The following NCAM2 variants were observed in gnomAD, a reference collection of about 807,000 sequenced individuals.
NCAM2 encodes N-CAM-2.
A neutral mutation model predicts 98.1 loss-of-function variants in NCAM2; 30 were observed. That is an observed-to-expected ratio of 0.31 (90% CI 0.23 to 0.41). The LOEUF is 0.41. NCAM2 is among the 10% of genes least tolerant of loss of function. The pLI is 1.00. For missense variants in NCAM2, 867 were observed against 1,005.8 expected (o/e 0.86, Z 1.87); for synonymous variants, 368 against 342.4 (o/e 1.07, Z -0.83).
At chr21:21,535,048 G>A (rs1439526761) in intron 17 of NCAM2, among the ~76,000 whole-genome samples, 1 of 152,066 alleles carries the variant, frequency 6.6e-6, no homozygotes, top group Non-Finnish European at 1.5e-5. Flanking sequence ...GAATATAAAT[G>A]TCATTGAAAT....
intron 1 of NCAM2, among the ~76,000 whole-genome samples, chr21:21,152,525 G>C (rs2067477296): frequency 6.6e-6 from 1 of 151,760 alleles, no homozygotes; most frequent in African/African-American, 2.4e-5. Flanking sequence ...GTATTACTTT[G>C]TGGCAACAAT....
At chr21:21,034,152 T>G (rs532443391) in intron 1 of NCAM2, among the ~76,000 whole-genome samples, 2 of 152,194 alleles carry the variant, frequency 1.3e-5, no homozygotes, top group South Asian at 4.2e-4. Context: ...ATAGGTCAGT[T>G]TGTTAAACAG....
intron 9 of NCAM2, among the ~76,000 whole-genome samples, chr21:21,409,915 C>T (rs1290376650): frequency 1.3e-5 from 2 of 151,946 alleles, no homozygotes; most frequent in African/African-American, 2.4e-5. Context: ...TCGAGAATCA[C>T]GAGGTCAGGA....
At chr21:21,152,240 T>G in intron 1 of NCAM2, among the ~76,000 whole-genome samples, 1 of 152,074 alleles carries the variant, frequency 6.6e-6, no homozygotes, top group Non-Finnish European at 1.5e-5. Flanking sequence ...TTAATTTAGA[T>G]TTTGTACTTA....
In NCAM2 at chr21:21,361,738, A is replaced by G. The variant is rs555557873; in HGVS notation, c.1045-12125A>G. Among the ~76,000 whole-genome samples, 37 of 152,224 alleles carry G rather than the reference A, an allele frequency of 2.4e-4. No individual in the cohort carries two copies. The South Asian group carries it at 7.7e-3, about 32-fold the overall frequency. On this transcript the variant is annotated intron_variant, in intron 8 of 17. Transcript: ENST00000400546. ...CACTTGGATATTAAATAAATCTTTCAAAGTTAAAATATTCAGTTCAATACT... is the reference window on the plus strand; with the variant it reads ...CACTTGGATATTAAATAAATCTTTCGAAGTTAAAATATTCAGTTCAATACT...
chr21:21,148,047 A>G (rs2067338544), intron 1 of NCAM2, among the ~76,000 whole-genome samples: 2 of 152,036 alleles, frequency 1.3e-5, no homozygotes, highest in African/African-American at 2.4e-5. Flanking sequence ...GAGAGTGCCA[A>G]TCCTACCTTC....
At chr21:21,161,849 G>C (rs1032677240) in intron 1 of NCAM2, among the ~76,000 whole-genome samples, 3 of 151,946 alleles carry the variant, frequency 2.0e-5, no homozygotes, top group Non-Finnish European at 4.4e-5. Flanking sequence ...GGCTAAATGA[G>C]CAGAGATGTT....
intron 1 of NCAM2, among the ~76,000 whole-genome samples, chr21:21,150,045 G>A (rs1025246152): frequency 3.3e-5 from 5 of 151,976 alleles, no homozygotes; most frequent in Admixed American, 2.0e-4. Context: ...GTGTAAAAGC[G>A]TCCCTATTTC....
At chr21:21,003,543 C>G (rs761187111) in intron 1 of NCAM2, among the ~76,000 whole-genome samples, 2 of 152,046 alleles carry the variant, frequency 1.3e-5, no homozygotes, top group Non-Finnish European at 2.9e-5. Context: ...CCATGAGGAG[C>G]AATTGTAACA....
At chr21:21,062,081 T>A (rs755894474) in intron 1 of NCAM2, among the ~76,000 whole-genome samples, 8 of 152,136 alleles carry the variant, frequency 5.3e-5, no homozygotes, top group Non-Finnish European at 1.2e-4. Context: ...TCCTTAATAT[T>A]TAGAAGTGGT....
chr21:21,436,676 G>C (rs1400230549), intron 12 of NCAM2, among the ~76,000 whole-genome samples: 2 of 151,786 alleles, frequency 1.3e-5, no homozygotes, highest in Non-Finnish European at 1.5e-5. Context: ...GAATGGAAAG[G>C]ATTATTTTAT....
At chr21:21,514,189 A>G (rs918376155) in intron 16 of NCAM2, among the ~76,000 whole-genome samples, 2 of 151,332 alleles carry the variant, frequency 1.3e-5, no homozygotes, top group African/African-American at 4.8e-5. Flanking sequence ...AATTTTACAT[A>G]TAACCTCTTT....
rs981493798 is a variant in NCAM2, at chr21:21,354,518, A to G, written c.1044+15984A>G. Among the ~76,000 whole-genome samples the G allele has an allele frequency of 1.1e-4, 17 of 152,220 alleles. No individual in the cohort carries two copies. The East Asian group carries it at 1.5e-3, about 14-fold the overall frequency. On this transcript the variant is annotated intron_variant, in intron 8 of 17. Transcript: ENST00000400546. ...ACATTAAAATTAATACAAAATATAC[A>G]GTACAATTGTTTTTCAAAATATTAC... is the stretch of plus-strand genomic sequence containing the variant.
intron 4 of NCAM2, among the ~76,000 whole-genome samples, chr21:21,288,225 A>G (rs1423531757): frequency 6.6e-6 from 1 of 151,898 alleles, no homozygotes; most frequent in Non-Finnish European, 1.5e-5. Context: ...TAAAAAATAT[A>G]TTTTTCATCA....
At chr21:21,287,481 T>C (rs2147538775) in intron 4 of NCAM2, among the ~76,000 whole-genome samples, 1 of 152,102 alleles carries the variant, frequency 6.6e-6, no homozygotes, top group East Asian at 1.9e-4. Flanking sequence ...TACAGTGTAT[T>C]AACAAGTCAC....
chr21:21,453,723 G>A (rs1461550258), intron 12 of NCAM2, among the ~76,000 whole-genome samples: 1 of 151,996 alleles, frequency 6.6e-6, no homozygotes, highest in Non-Finnish European at 1.5e-5. Flanking sequence ...TGTATCACTT[G>A]ATATACATTT....
chr21:21,187,130 A>G lies in NCAM2; in HGVS notation c.56-93448A>G, dbSNP rs58551693. 3.4e-3 allele frequency among the ~76,000 whole-genome samples: 515 copies of G among 152,126 alleles called. 6 individuals carry two copies. Among genetic ancestry groups the G allele is most frequent in the African/African-American group, 0.012 (492 of 41,526 alleles). On this transcript the variant is annotated intron_variant, in intron 1 of 17. Coordinates refer to ENST00000400546, the MANE Select transcript of NCAM2 (RefSeq NM_004540.5). ...CCATAGTCCCAGCTACTCGGGAGGC[A>G]GGAGAATCCCTTGAACCTGGGAGGC... is the stretch of plus-strand genomic sequence containing the variant.
intron 1 of NCAM2, among the ~76,000 whole-genome samples, chr21:21,074,449 T>A (rs2146377841): frequency 6.6e-6 from 1 of 152,332 alleles, no homozygotes; most frequent in East Asian, 1.9e-4. Context: ...TACATAAATT[T>A]GATTTGATAA....
At position 21,455,003 on chromosome 21, in the gene NCAM2, C is replaced by T. The variant is rs557548200; in HGVS notation, c.1655-11603C>T. Reference sequence around the variant, plus strand: ...ACAAGGGGAAATTATCACAAATTTGCCTAAGGATAGCAATTAGGATTACTA... The same window carrying T: ...ACAAGGGGAAATTATCACAAATTTGTCTAAGGATAGCAATTAGGATTACTA... On this transcript the variant is annotated intron_variant, in intron 12 of 17. Transcript: ENST00000400546. 2.0e-5 allele frequency among the ~76,000 whole-genome samples: 3 copies of T among 151,760 alleles called. No individual in the cohort carries two copies. In the East Asian group the frequency reaches 5.8e-4, roughly 29 times the overall value.
Sources: allele counts gnomAD v4.1 joint callset (sites outside exome capture counted in the v4.1 genomes callset), GRCh38; gene constraint gnomAD v4.1.1; transcripts MANE v1.5; gene names NCBI Gene and HGNC (gene_info 2026-07-23, HGNC 2026-07-21).